Variants in SYDE2 observed in about 807,000 individuals in gnomAD.
SYDE2 encodes the protein synapse defective Rho GTPase homolog 2.
SYDE2 carries 76 observed loss-of-function variants against 91.5 expected under a neutral mutation model. That is an observed-to-expected ratio of 0.83 (90% confidence interval 0.69 to 1.01). SYDE2 has a LOEUF of 1.01. Ranked by LOEUF, SYDE2 falls within the 50% of genes least tolerant of loss-of-function variation. The pLI, the probability that SYDE2 is intolerant of heterozygous loss-of-function variation, is 0.00. For missense variants in SYDE2, 1,364 were observed against 1,367.7 expected, an observed-to-expected ratio of 1.00 and a Z score of 0.04; for synonymous variants, 513 against 506.4, an observed-to-expected ratio of 1.01 and a Z score of -0.18.
downstream of SYDE2, chr1:85,154,108 T>A (rs1656825594): frequency 6.6e-6 from 1 of 152,072 alleles, no homozygotes. Context: ...AAAAGAGCAT[T>A]TTTGTACCAA....
intron 3 of SYDE2, among the ~76,000 whole-genome samples, chr1:85,179,229 A>G (rs758413565): frequency 7.2e-5 from 11 of 152,222 alleles, no homozygotes; most frequent in Admixed American, 3.3e-4. Flanking sequence ...CTATTTAAAG[A>G]CAGAAATAAA....
chr1:85,183,915 T>C (rs983104806), intron 2 of SYDE2, among the ~76,000 whole-genome samples: 26 of 152,018 alleles, frequency 1.7e-4, no homozygotes, highest in African/African-American at 6.3e-4. Flanking sequence ...AGTAAATAAT[T>C]TCTACTGAAG....
chr1:85,195,399 C>G (rs1415185214), intron 1 of SYDE2, among the ~76,000 whole-genome samples: 1 of 151,938 alleles, frequency 6.6e-6, no homozygotes. Flanking sequence ...ACTTGGCAGT[C>G]CAGATGAAAT....
rs942450060 is a variant in SYDE2, at chr1:85,162,743, C to T, written c.3085+1783G>A. Among the ~76,000 whole-genome samples, 3 of 152,266 alleles carry T rather than the reference C, an allele frequency of 2.0e-5. No individual in the cohort carries two copies. In the East Asian group the frequency reaches 5.8e-4, roughly 29 times the overall value. The stretch of plus-strand genomic sequence containing the variant: ...CTACTATTACAAAATAATAAAATGA[C>T]CTTAACCTCTGGCACAGAATAATTA... On this transcript the variant is annotated intron_variant, in intron 6 of 6. Transcript: ENST00000341460.
Position 85,178,258 on chromosome 1 carries a change from A to C in SYDE2, c.2559T>G (p.Tyr853Ter), listed in dbSNP as rs202052243. The change falls in exon 4 of 7, where the codon TAT becomes TAG. Residue 853 changes from tyrosine (Y) to a stop codon, truncating the protein, a stop_gained. Coordinates refer to ENST00000341460, the MANE Select transcript of SYDE2 (RefSeq NM_032184.2). LOFTEE classifies it high-confidence loss of function. ...EKRGCQVVGL[Y>*]RLCGSAAVKK... ...TGACTGCTGCCGAACCACATAATCG[A>C]TACAGGCCTACTACCTAGGAATAAA... 6.3e-7 allele frequency: 1 copy of C among 1,575,716 alleles called. No individual in the cohort carries two copies. The highest frequency in any genetic ancestry group is 1.3e-5 in the African/African-American group (1 of 74,140).
At chr1:85,163,167 C>T (rs1258809536) in intron 6 of SYDE2, among the ~76,000 whole-genome samples, 8 of 150,396 alleles carry the variant, frequency 5.3e-5, no homozygotes, top group African/African-American at 1.5e-4. Context: ...AGTGCACTTC[C>T]GCAATCTCGG....
At chr1:85,188,305 A>G (rs934595125) in intron 2 of SYDE2, among the ~76,000 whole-genome samples, 1 of 152,212 alleles carries the variant, frequency 6.6e-6, no homozygotes, top group African/African-American at 2.4e-5. Flanking sequence ...TTAGAAATGC[A>G]CAAAGAAAAA....
At chr1:85,170,466 AAT>A (rs1485859318) in intron 4 of SYDE2, among the ~76,000 whole-genome samples, 2 of 152,192 alleles carry the variant, frequency 1.3e-5, no homozygotes, top group African/African-American at 4.8e-5. Context: ...TGCAAATATA[AAT>A]ATGATTTGTC....
intron 1 of SYDE2, among the ~76,000 whole-genome samples, chr1:85,198,893 A>T (rs559910477): frequency 5.9e-5 from 9 of 152,336 alleles, no homozygotes; most frequent in African/African-American, 1.7e-4. Flanking sequence ...ATATGAACTT[A>T]GTATAAAGTA....
chr1:85,159,066 C>A lies in SYDE2; in HGVS notation c.3269G>T (p.Gly1090Val). 1 of 780,896 alleles carries A rather than the reference C, an allele frequency of 1.3e-6. No individual in the cohort carries two copies. Among genetic ancestry groups the A allele is most frequent in the Non-Finnish European group, 2.4e-6 (1 of 417,982 alleles). 48.4% of individuals were successfully genotyped at this position (780,896 alleles called of 1,614,324 possible). The change falls in exon 7 of 7, where the codon GGA (glycine) becomes GTA (valine). Residue 1090 changes from glycine (G) to valine (V), a missense_variant. Coordinates refer to ENST00000341460, the MANE Select transcript of SYDE2 (RefSeq NM_032184.2). ...GTTTTCCCCACAGCTGCTCCAGTCT[C>A]CTGCATAACGATTGCTAAGTGGACT... Reference protein sequence around the residue: ...LDSPLSNRYAGDWSSCGENYF... With the variant: ...LDSPLSNRYAVDWSSCGENYF...
At chr1:85,177,972 G>A (rs945088584) in intron 4 of SYDE2, among the ~76,000 whole-genome samples, 174 bp downstream of exon 4, 2 of 152,110 alleles carry the variant, frequency 1.3e-5, no homozygotes, top group Non-Finnish European at 2.9e-5. Flanking sequence ...GTGGGCAAGG[G>A]ACCATAGCTT....
intron 4 of SYDE2, among the ~76,000 whole-genome samples, chr1:85,173,028 G>T (rs1021112209): frequency 4.6e-5 from 7 of 152,162 alleles, no homozygotes; most frequent in Non-Finnish European, 1.0e-4. Flanking sequence ...TATGGGTACA[G>T]CACTATGTTG....
intron 6 of SYDE2, chr1:85,160,301 T>C (rs1416337419): frequency 1.1e-6 from 1 of 931,570 alleles, no homozygotes; most frequent in South Asian, 5.0e-5. Flanking sequence ...TATATGGTTC[T>C]AGTTTTCCAG....
intron 5 of SYDE2, among the ~76,000 whole-genome samples, chr1:85,165,687 C>T (rs1417332487): frequency 1.3e-5 from 2 of 151,044 alleles, no homozygotes; most frequent in Non-Finnish European, 3.0e-5. Flanking sequence ...ATTTTTTAAT[C>T]CTTAAAGAAA....
chr1:85,187,129 T>G (rs1212462307), intron 2 of SYDE2, among the ~76,000 whole-genome samples: 4 of 152,154 alleles, frequency 2.6e-5, no homozygotes, highest in Non-Finnish European at 4.4e-5. Flanking sequence ...GACAAAGGGC[T>G]GATATCCAGA....
chr1:85,171,582 T>C (rs1272533093), intron 4 of SYDE2, among the ~76,000 whole-genome samples: 1 of 152,144 alleles, frequency 6.6e-6, no homozygotes, highest in African/African-American at 2.4e-5. Flanking sequence ...AAAAATTAGA[T>C]TCTGGAGCCC....
intron 2 of SYDE2, among the ~76,000 whole-genome samples, chr1:85,185,956 T>C (rs918696420): frequency 2.6e-5 from 4 of 152,170 alleles, no homozygotes; most frequent in African/African-American, 2.4e-5. Flanking sequence ...TCTTATTATT[T>C]TGAGATACGT....
chr1:85,173,654 G>A (rs1016877088), intron 4 of SYDE2, among the ~76,000 whole-genome samples: 53 of 152,068 alleles, frequency 3.5e-4, no homozygotes, highest in African/African-American at 1.1e-3. Flanking sequence ...CCAAACAACA[G>A]AAATATCCAG....
At chr1:85,165,150 C>T (rs1361199985) in intron 5 of SYDE2, among the ~76,000 whole-genome samples, 4 of 152,158 alleles carry the variant, frequency 2.6e-5, no homozygotes, top group Admixed American at 1.3e-4. Context: ...GGGAGAATCG[C>T]TGGAACCCAG....
Sources: allele counts gnomAD v4.1 joint callset (sites outside exome capture counted in the v4.1 genomes callset), GRCh38; gene constraint gnomAD v4.1.1; transcripts MANE v1.5; gene names NCBI Gene and HGNC (gene_info 2026-07-23, HGNC 2026-07-21).